Variants in TLE1 observed in about 807,000 individuals in gnomAD.
The protein encoded by TLE1 is transducin-like enhancer protein 1.
Under a neutral mutation model 89.8 loss-of-function variants are expected in TLE1, and 21 were observed. That is an observed-to-expected ratio of 0.23 (90% CI 0.17 to 0.34). The LOEUF (loss-of-function observed/expected upper bound fraction) is 0.34, where lower values mean the gene tolerates loss of function less well. Ranked by LOEUF, TLE1 falls within the 10% of genes least tolerant of loss-of-function variation. TLE1 has a pLI of 1.00. For missense variants in TLE1, 795 were observed against 1,031.2 expected, an observed-to-expected ratio of 0.77 and a Z score of 3.14; for synonymous variants, 447 against 407.6, an observed-to-expected ratio of 1.10 and a Z score of -1.16.
chr9:81,586,800 G>A (rs1456026765), intron 17 of TLE1, among the ~76,000 whole-genome samples: 1 of 152,070 alleles, frequency 6.6e-6, no homozygotes, highest in East Asian at 1.9e-4. Context: ...AAAAAAGGCA[G>A]AACAAAAATT....
chr9:81,584,882 A>T (rs915315608), intron 18 of TLE1, among the ~76,000 whole-genome samples: 3 of 152,186 alleles, frequency 2.0e-5, no homozygotes, highest in Non-Finnish European at 4.4e-5. Flanking sequence ...GAATTAAAGG[A>T]TTAAACATCC....
intron 6 of TLE1, among the ~76,000 whole-genome samples, chr9:81,639,349 G>C (rs991948202): frequency 1.3e-5 from 2 of 151,980 alleles, no homozygotes; most frequent in Admixed American, 6.5e-5. Flanking sequence ...ACAAGCGTAA[G>C]CTACCATAGC....
chr9:81,632,163 G>A (rs1478687533), intron 8 of TLE1, among the ~76,000 whole-genome samples: 6 of 151,628 alleles, frequency 4.0e-5, no homozygotes, highest in African/African-American at 1.5e-4. Flanking sequence ...ACTAAAGCCA[G>A]TTTACTTATC....
At chr9:81,686,120 G>C (rs546066750) in intron 2 of TLE1, among the ~76,000 whole-genome samples, 1 of 152,116 alleles carries the variant, frequency 6.6e-6, no homozygotes, top group East Asian at 1.9e-4. Flanking sequence ...TGCCTATCTG[G>C]TTAGATGACA....
At chr9:81,634,415 G>C in intron 6 of TLE1, 114 bp from the exon 7 acceptor site, 1 of 843,768 alleles carries the variant, frequency 1.2e-6, no homozygotes, top group Non-Finnish European at 1.7e-6. Flanking sequence ...AGGGGAAGGC[G>C]GAAACAGAAC....
chr9:81,610,506 A>G (rs1430608093), intron 13 of TLE1, among the ~76,000 whole-genome samples: 3 of 152,176 alleles, frequency 2.0e-5, no homozygotes, highest in Non-Finnish European at 4.4e-5. Flanking sequence ...TGGGAGGTAG[A>G]GAGGAGATGT....
chr9:81,684,855 GCAGA>G (rs1834066420), intron 4 of TLE1, among the ~76,000 whole-genome samples: 1 of 152,128 alleles, frequency 6.6e-6, no homozygotes, highest in Non-Finnish European at 1.5e-5. Flanking sequence ...GCTTTCTTTG[GCAGA>G]CAATGACTAC....
intron 14 of TLE1, among the ~76,000 whole-genome samples, chr9:81,595,981 G>C (rs374554612): frequency 1.3e-5 from 2 of 151,956 alleles, no homozygotes; most frequent in African/African-American, 4.8e-5. Flanking sequence ...AAATCAAGCT[G>C]GGCGCCTCCA....
intron 4 of TLE1, among the ~76,000 whole-genome samples, chr9:81,654,303 A>T (rs907523437): frequency 7.9e-5 from 12 of 152,168 alleles, no homozygotes; most frequent in African/African-American, 1.2e-4. Context: ...GTTTAAGGCT[A>T]TATGATCATT....
intron 15 of TLE1, among the ~76,000 whole-genome samples, chr9:81,591,930 G>A (rs1829579997): frequency 6.6e-6 from 1 of 152,180 alleles, no homozygotes; most frequent in African/African-American, 2.4e-5. Context: ...TTCCAGGCAG[G>A]CAGTGGGTAC....
chr9:81,684,249 A>G (rs1833981904), intron 4 of TLE1, among the ~76,000 whole-genome samples: 1 of 147,706 alleles, frequency 6.8e-6, no homozygotes, highest in Admixed American at 7.1e-5. Context: ...CCCATTTACT[A>G]TCAAGAAGTT....
chr9:81,685,583 C>A (rs1362144919), intron 4 of TLE1, 93 bp downstream of exon 4: 25 of 1,289,106 alleles, frequency 1.9e-5, no homozygotes, highest in Non-Finnish European at 2.3e-5. Context: ...TACAAACCCC[C>A]ACCCCTAGAG....
chr9:81,620,165 G>A (rs1825052342), intron 9 of TLE1, among the ~76,000 whole-genome samples: 1 of 152,168 alleles, frequency 6.6e-6, no homozygotes, highest in South Asian at 2.1e-4. Context: ...AACAAGAGCA[G>A]GGCCCTGAGC....
chr9:81,631,671 G>T (rs1826626627), intron 8 of TLE1, among the ~76,000 whole-genome samples: 1 of 152,222 alleles, frequency 6.6e-6, no homozygotes, highest in South Asian at 2.1e-4. Flanking sequence ...ATGTTAAATT[G>T]AAGTCCCAAA....
intron 4 of TLE1, among the ~76,000 whole-genome samples, chr9:81,656,183 G>C (rs1229703203): frequency 1.3e-5 from 2 of 152,132 alleles, no homozygotes; most frequent in Non-Finnish European, 2.9e-5. Flanking sequence ...ACAGAACTGG[G>C]TCAGCCCCAC....
intron 4 of TLE1, among the ~76,000 whole-genome samples, chr9:81,663,284 G>A (rs567128346): frequency 6.6e-6 from 1 of 152,298 alleles, no homozygotes; most frequent in South Asian, 2.1e-4. Context: ...GCCCTCTTAC[G>A]ATCCTCAAAT....
chr9:81,620,654 C>T, intron 8 of TLE1, 97 bp from the exon 9 acceptor site: 2 of 1,523,272 alleles, frequency 1.3e-6, no homozygotes, highest in Non-Finnish European at 1.8e-6. Flanking sequence ...AAAGGTGATA[C>T]CTACACAGCC....
intron 8 of TLE1, among the ~76,000 whole-genome samples, 194 bp downstream of exon 8, chr9:81,633,154 G>C (rs747331545): frequency 6.6e-6 from 1 of 152,040 alleles, no homozygotes; most frequent in Non-Finnish European, 1.5e-5. Flanking sequence ...GACAAGAGCA[G>C]AGCGAACAGT....
chr9:81,667,568 G>C (rs1255388566), intron 4 of TLE1, among the ~76,000 whole-genome samples: 1 of 152,018 alleles, frequency 6.6e-6, no homozygotes, highest in African/African-American at 2.4e-5. Context: ...CAACTTCTTA[G>C]GGAAAACAGC....
Sources: gnomAD v4.1 joint callset for allele counts (sites outside exome capture counted in the v4.1 genomes callset) on GRCh38, gnomAD v4.1.1 for gene constraint, MANE v1.5 for transcripts, NCBI Gene and HGNC (gene_info 2026-07-23, HGNC 2026-07-21) for gene names.